Variants in CAMK2D observed in about 807,000 individuals in gnomAD.
The protein encoded by CAMK2D is calcium/calmodulin-dependent protein kinase type II subunit delta.
Under a neutral mutation model 84.0 loss-of-function variants are expected in CAMK2D, and 37 were observed. The observed-to-expected ratio is 0.44, with a 90% CI of 0.34 to 0.58. The LOEUF (loss-of-function observed/expected upper bound fraction) is 0.58. Among genes scored for constraint, CAMK2D ranks in the 20% least tolerant of loss-of-function variants. The pLI, the probability that CAMK2D is intolerant of heterozygous loss-of-function variation, is 0.02. For missense variants in CAMK2D, 448 were observed against 652.5 expected, an observed-to-expected ratio of 0.69 and a Z score of 3.41; for synonymous variants, 202 against 212.5, an observed-to-expected ratio of 0.95 and a Z score of 0.43.
At chr4:113,570,930 A>C (rs1165412018) in intron 4 of CAMK2D, among the ~76,000 whole-genome samples, 2 of 152,186 alleles carry the variant, frequency 1.3e-5, no homozygotes, top group African/African-American at 4.8e-5. Flanking sequence ...AATATATAAG[A>C]AACAAACAAC....
At chr4:113,642,948 C>T (rs2099138221) in intron 3 of CAMK2D, among the ~76,000 whole-genome samples, 2 of 151,904 alleles carry the variant, frequency 1.3e-5, no homozygotes, top group Non-Finnish European at 2.9e-5. Flanking sequence ...CCATGCTAAA[C>T]TATATCTATA....
chr4:113,657,442 T>C (rs113651352), intron 3 of CAMK2D, among the ~76,000 whole-genome samples: 12 of 152,258 alleles, frequency 7.9e-5, no homozygotes, highest in African/African-American at 2.6e-4. Flanking sequence ...CAAGAAATTT[T>C]GTTGGGTGAG....
At chr4:113,754,261 G>A (rs1260314364) in intron 2 of CAMK2D, 2 of 975,996 alleles carry the variant, frequency 2.0e-6, no homozygotes, top group African/African-American at 3.5e-5. Flanking sequence ...CCTAATAAAT[G>A]GGGAAGACTG....
chr4:113,715,437 A>G (rs1182614483), intron 2 of CAMK2D, among the ~76,000 whole-genome samples: 1 of 152,164 alleles, frequency 6.6e-6, no homozygotes, highest in Non-Finnish European at 1.5e-5. Flanking sequence ...ATGAGTTTAT[A>G]TCATAAAAGA....
chr4:113,638,955 A>G (rs1309011439), intron 3 of CAMK2D, among the ~76,000 whole-genome samples: 1 of 152,028 alleles, frequency 6.6e-6, no homozygotes, highest in Admixed American at 6.5e-5. Flanking sequence ...TAAATATAAA[A>G]ATGTAGGTTT....
chr4:113,566,168 T>A (rs76583361), intron 4 of CAMK2D, among the ~76,000 whole-genome samples: 6,227 of 152,290 alleles, frequency 0.041, 162 homozygotes, highest in South Asian at 0.081. Context: ...GAGACTGTTT[T>A]CTGACTGTGA....
At chr4:113,468,270 C>T (rs1334278328) in intron 16 of CAMK2D, among the ~76,000 whole-genome samples, 1 of 152,184 alleles carries the variant, frequency 6.6e-6, no homozygotes, top group Non-Finnish European at 1.5e-5. Context: ...ATAAACAAAG[C>T]AACACAAATT....
chr4:113,645,714 A>G (rs1345739865), intron 3 of CAMK2D, among the ~76,000 whole-genome samples: 1 of 150,698 alleles, frequency 6.6e-6, no homozygotes, highest in East Asian at 1.9e-4. Context: ...AGCAAGGAGA[A>G]AAAAAAAAAT....
At chr4:113,691,262 T>A (rs2099386242) in intron 2 of CAMK2D, among the ~76,000 whole-genome samples, 1 of 152,196 alleles carries the variant, frequency 6.6e-6, no homozygotes, top group Non-Finnish European at 1.5e-5. Flanking sequence ...AGTGTTAGAT[T>A]TAGTTACCAT....
intron 4 of CAMK2D, among the ~76,000 whole-genome samples, chr4:113,560,083 G>C (rs764851521): frequency 1.3e-5 from 2 of 152,176 alleles, no homozygotes; most frequent in Non-Finnish European, 2.9e-5. Flanking sequence ...TACTGTTACT[G>C]TTGATCCCTG....
At chr4:113,712,917 A>G (rs1240467426) in intron 2 of CAMK2D, among the ~76,000 whole-genome samples, 2 of 152,034 alleles carry the variant, frequency 1.3e-5, no homozygotes, top group Non-Finnish European at 2.9e-5. Flanking sequence ...TTCACTATAC[A>G]TGTATATCCA....
chr4:113,728,667 G>C (rs1374336703), intron 2 of CAMK2D, among the ~76,000 whole-genome samples: 1 of 152,138 alleles, frequency 6.6e-6, no homozygotes, highest in African/African-American at 2.4e-5. Context: ...TGTGGTATCA[G>C]AAAGAACTAG....
intron 2 of CAMK2D, among the ~76,000 whole-genome samples, chr4:113,663,583 T>C (rs6533707): frequency 0.92 from 138,378 of 150,402 alleles, 63,708 homozygotes; most frequent in Non-Finnish European, 0.93. Context: ...CGGGAGGCTC[T>C]GTCTAAAAAT....
At chr4:113,598,072 C>G (rs1171115063) in intron 4 of CAMK2D, among the ~76,000 whole-genome samples, 1 of 151,950 alleles carries the variant, frequency 6.6e-6, no homozygotes, top group Non-Finnish European at 1.5e-5. Context: ...CCCAGAATAG[C>G]CAAGAGAATA....
intron 16 of CAMK2D, among the ~76,000 whole-genome samples, chr4:113,480,605 C>G (rs1291092063): frequency 7.2e-5 from 11 of 151,736 alleles, no homozygotes; most frequent in Non-Finnish European, 1.5e-4. Flanking sequence ...CTTTGGGAGA[C>G]CAAGGTGGGC....
chr4:113,544,284 T>C lies in CAMK2D; in HGVS notation c.414+3360A>G, dbSNP rs185981980. On this transcript the variant is annotated intron_variant, in intron 6 of 20. Coordinates refer to ENST00000511664, the MANE Select transcript of CAMK2D (RefSeq NM_001321571.2). Reference sequence around the variant, plus strand: ...ATTTTGTTTATCTCTGGAAGACCCATAGGCAGGACTATTTTAACCTTTTGA... The same window carrying C: ...ATTTTGTTTATCTCTGGAAGACCCACAGGCAGGACTATTTTAACCTTTTGA... Among the ~76,000 whole-genome samples, 65 of 152,320 alleles carry C rather than the reference T, an allele frequency of 4.3e-4. No homozygotes were observed. In the Middle Eastern group the frequency reaches 0.01, roughly 24 times the overall value.
chr4:113,535,784 C>T (rs1405747920), intron 7 of CAMK2D, among the ~76,000 whole-genome samples: 1 of 152,204 alleles, frequency 6.6e-6, no homozygotes. Flanking sequence ...TATTGAACCT[C>T]TCTCCAGAGG....
intron 8 of CAMK2D, among the ~76,000 whole-genome samples, chr4:113,526,975 C>G (rs2098423209): frequency 6.6e-6 from 1 of 150,924 alleles, no homozygotes; most frequent in South Asian, 2.1e-4. Context: ...TTATGATAAC[C>G]CTGCATTGAG....
chr4:113,501,116 A>G (rs1263944026), intron 15 of CAMK2D, among the ~76,000 whole-genome samples: 3 of 152,074 alleles, frequency 2.0e-5, no homozygotes, highest in Non-Finnish European at 4.4e-5. Flanking sequence ...TATAATGAAT[A>G]ATTTACTTTC....
Sources: gnomAD v4.1 joint callset for allele counts (sites outside exome capture counted in the v4.1 genomes callset) on GRCh38, gnomAD v4.1.1 for gene constraint, MANE v1.5 for transcripts, NCBI Gene and HGNC (gene_info 2026-07-23, HGNC 2026-07-21) for gene names.